The following UBE2R2 variants were observed in gnomAD, a reference collection of about 807,000 sequenced individuals.
UBE2R2 encodes the protein ubiquitin conjugating enzyme E2 R2, also known as ubiquitin-conjugating enzyme E2 R2.
A neutral mutation model predicts 27.8 loss-of-function variants in UBE2R2; 1 was observed. The ratio of observed to expected loss-of-function variants is 0.04; its 90% confidence interval spans 0.01 to 0.17. The LOEUF (loss-of-function observed/expected upper bound fraction) is 0.17. UBE2R2 is among the 10% of genes least tolerant of loss of function. The pLI, the probability that UBE2R2 is intolerant of heterozygous loss-of-function variation, is 1.00. For missense variants in UBE2R2, 100 were observed against 291.0 expected (o/e 0.34, Z 4.78); for synonymous variants, 106 against 113.3 (o/e 0.94, Z 0.41).
intron 1 of UBE2R2, among the ~76,000 whole-genome samples, chr9:33,850,952 T>C (rs1425526064): frequency 2.6e-5 from 4 of 152,242 alleles, no homozygotes; most frequent in African/African-American, 4.8e-5. Flanking sequence ...AAACCAAATT[T>C]TTTGGTTATT....
intron 1 of UBE2R2, among the ~76,000 whole-genome samples, chr9:33,857,443 C>T (rs539028369): frequency 3.9e-4 from 59 of 152,114 alleles, no homozygotes; most frequent in African/African-American, 1.4e-3. Context: ...CTCAACTTCC[C>T]AAGTAGCTGG....
chr9:33,904,760 A>G (rs1822316449), intron 3 of UBE2R2, among the ~76,000 whole-genome samples: 1 of 152,198 alleles, frequency 6.6e-6, no homozygotes, highest in African/African-American at 2.4e-5. Flanking sequence ...TTCTTTTGAA[A>G]GAAAACATCC....
Position 33,919,339 on chromosome 9 carries a change from G to C in UBE2R2, c.*2102G>C, listed in dbSNP as rs1157823870. ...CATGCAAGTTTACAGCCAGTAGCTTGGTCTTATTCTCTTGGAGCCCTAAAA... is the reference window on the plus strand; with the variant it reads ...CATGCAAGTTTACAGCCAGTAGCTTCGTCTTATTCTCTTGGAGCCCTAAAA... On this transcript the variant is annotated 3_prime_UTR_variant, in exon 5 of 5. Transcript: ENST00000263228. 6.6e-6 allele frequency: 1 copy of C among 151,792 alleles called. No homozygotes were observed. The highest frequency in any genetic ancestry group is 1.5e-5 in the Non-Finnish European group (1 of 68,006). The allele number at this position is 151,792 out of a possible 1,614,324, so 9.4% of individuals were successfully genotyped here.
intron 1 of UBE2R2, among the ~76,000 whole-genome samples, chr9:33,874,018 G>A (rs1279856630): frequency 3.3e-5 from 5 of 149,702 alleles, no homozygotes; most frequent in African/African-American, 9.8e-5. Context: ...CACGATCTCC[G>A]CTCACTGTAA....
intron 1 of UBE2R2, among the ~76,000 whole-genome samples, chr9:33,861,748 G>A (rs1401686918): frequency 1.3e-5 from 2 of 151,916 alleles, no homozygotes; most frequent in African/African-American, 4.8e-5. Context: ...TTTTTTGATG[G>A]AGTAAAATAT....
At chr9:33,864,845 C>T (rs1821324742) in intron 1 of UBE2R2, among the ~76,000 whole-genome samples, 1 of 152,040 alleles carries the variant, frequency 6.6e-6, no homozygotes, top group Non-Finnish European at 1.5e-5. Flanking sequence ...CCGCCTCAGC[C>T]TCCCAAGTAA....
intron 1 of UBE2R2, among the ~76,000 whole-genome samples, chr9:33,855,280 C>G (rs1821076770): frequency 6.6e-6 from 1 of 151,926 alleles, no homozygotes; most frequent in African/African-American, 2.4e-5. Flanking sequence ...ATTTTTCTCT[C>G]ATTTTTTGTG....
chr9:33,849,173 C>T (rs1820910424), intron 1 of UBE2R2, among the ~76,000 whole-genome samples: 1 of 152,064 alleles, frequency 6.6e-6, no homozygotes, highest in Admixed American at 6.6e-5. Context: ...AGGAGAATCT[C>T]TTGAACCTGG....
At chr9:33,818,041 G>A (rs1270162405) in intron 1 of UBE2R2, 107 bp downstream of exon 1, 28 of 1,351,576 alleles carry the variant, frequency 2.1e-5, no homozygotes, top group African/African-American at 3.1e-5. Context: ...GCGAGTGGAG[G>A]GGGCTTCTCA....
At chr9:33,868,444 A>G (rs1315838519) in intron 1 of UBE2R2, 1 of 152,128 alleles carries the variant, frequency 6.6e-6, no homozygotes, top group Non-Finnish European at 1.5e-5. Flanking sequence ...GTGTACACAC[A>G]CTTTTTTTTC....
chr9:33,833,794 AT>A (rs1820551212), intron 1 of UBE2R2, among the ~76,000 whole-genome samples: 1 of 152,044 alleles, frequency 6.6e-6, no homozygotes, highest in African/African-American at 2.4e-5. Context: ...ATAGTAACTA[AT>A]TTTTCCCCCT....
At chr9:33,915,906 G>T (rs4879734) in intron 4 of UBE2R2, among the ~76,000 whole-genome samples, 92,774 of 151,912 alleles carry the variant, frequency 0.61, 28,411 homozygotes, top group East Asian at 0.77. Flanking sequence ...ATCTGAGGCC[G>T]TGATTCTGAG....
chr9:33,895,764 C>A (rs996347507), intron 2 of UBE2R2, among the ~76,000 whole-genome samples: 1 of 130,124 alleles, frequency 7.7e-6, no homozygotes, highest in Non-Finnish European at 1.6e-5. Context: ...TTCTCTCTCT[C>A]TCTCTTTTTT....
chr9:33,868,327 C>G (rs1189210518), intron 1 of UBE2R2, among the ~76,000 whole-genome samples: 1 of 152,178 alleles, frequency 6.6e-6, no homozygotes, highest in Non-Finnish European at 1.5e-5. Flanking sequence ...GCTGTTTTCA[C>G]TTAGGACAAA....
intron 2 of UBE2R2, among the ~76,000 whole-genome samples, chr9:33,896,304 A>G (rs1308086806): frequency 6.6e-6 from 1 of 152,046 alleles, no homozygotes; most frequent in Non-Finnish European, 1.5e-5. Flanking sequence ...CCTTGTCTAA[A>G]TACTCTGGTT....
At chr9:33,843,246 ACCATGTTGG>A (rs1820770151) in intron 1 of UBE2R2, among the ~76,000 whole-genome samples, 1 of 151,290 alleles carries the variant, frequency 6.6e-6, no homozygotes, top group South Asian at 2.1e-4. Context: ...ATGGGGTTTC[ACCATGTTGG>A]CCAGGCTGGT....
At position 33,817,925 on chromosome 9, in the gene UBE2R2, C is replaced by A. The variant is rs1191070647; in HGVS notation, c.168C>A (p.Gly56=). The change falls in exon 1 of 5, where the codon GGC becomes GGA. Residue 56 remains glycine (G), a synonymous_variant. Coordinates refer to ENST00000263228, the MANE Select transcript of UBE2R2 (RefSeq NM_017811.4). ...FGPPNTLYEG[G]YFKAHIKFPI... The stretch of plus-strand genomic sequence containing the variant: ...CCCCCAACACCCTCTACGAAGGCGG[C>A]TACTTCAAGGTACCCTCACCCTCCT... 3 of 1,608,122 alleles carry A rather than the reference C, an allele frequency of 1.9e-6. No individual in the cohort carries two copies. In the South Asian group the frequency reaches 3.3e-5, roughly 18 times the overall value.
At chr9:33,884,840 T>G (rs867679268) in intron 1 of UBE2R2, among the ~76,000 whole-genome samples, 2 of 152,184 alleles carry the variant, frequency 1.3e-5, no homozygotes, top group South Asian at 2.1e-4. Context: ...AACTAGAAAT[T>G]TAAATAATAT....
At chr9:33,823,235 G>A (rs949261713) in intron 1 of UBE2R2, among the ~76,000 whole-genome samples, 1 of 151,212 alleles carries the variant, frequency 6.6e-6, no homozygotes, top group East Asian at 2.0e-4. Context: ...ACAGAGTCTC[G>A]CTATGTTGTC....
Sources: gnomAD v4.1 joint callset for allele counts (sites outside exome capture counted in the v4.1 genomes callset) on GRCh38, gnomAD v4.1.1 for gene constraint, MANE v1.5 for transcripts, NCBI Gene and HGNC (gene_info 2026-07-23, HGNC 2026-07-21) for gene names.